The following RTRAF variants were observed in gnomAD, a reference collection of about 807,000 sequenced individuals.
The protein encoded by RTRAF is RNA transcription, translation and transport factor.
In RTRAF, 14 loss-of-function variants were observed where a neutral mutation model predicts 34.4. The ratio of observed to expected loss-of-function variants is 0.41; its 90% CI spans 0.27 to 0.64. RTRAF has a LOEUF of 0.64. Among genes scored for constraint, RTRAF ranks in the 30% least tolerant of loss-of-function variants. The pLI is 0.34. For missense variants in RTRAF, 291 were observed against 288.4 expected, an observed-to-expected ratio of 1.01 and a Z score of -0.06; for synonymous variants, 96 against 95.3, an observed-to-expected ratio of 1.01 and a Z score of -0.04.
intron 1 of RTRAF, among the ~76,000 whole-genome samples, chr14:51,990,885 C>T (rs1178663128): frequency 2.0e-5 from 3 of 152,012 alleles, no homozygotes; most frequent in Non-Finnish European, 4.4e-5. Flanking sequence ...CCTTTCTGTC[C>T]GCAAAGGAAC....
chr14:51,991,558 AG>A, intron 2 of RTRAF, 117 bp downstream of exon 2: 1 of 1,238,720 alleles, frequency 8.1e-7, no homozygotes, highest in Middle Eastern at 2.0e-4. Context: ...GTGTTAGGAA[AG>A]CTGGATTTCA....
chr14:52,004,904 T>G lies in RTRAF; in HGVS notation c.*388T>G, dbSNP rs1890696340. The G allele has an allele frequency of 6.1e-6, 1 of 162,674 alleles. No individual in the cohort carries two copies. The highest frequency in any genetic ancestry group is 2.4e-5 in the African/African-American group (1 of 41,920). 10.1% of individuals were successfully genotyped at this position (162,674 alleles called of 1,614,324 possible). ...GTGATACTTTACTTTCTGTGGGTAC[T>G]TCTATAGAGGCACTACAGGATCAGA... On this transcript the variant is annotated 3_prime_UTR_variant, in exon 8 of 8. Transcript: ENST00000261700.
chr14:51,993,129 A>G (rs1467257653), intron 2 of RTRAF, among the ~76,000 whole-genome samples: 2 of 152,214 alleles, frequency 1.3e-5, no homozygotes, highest in Non-Finnish European at 2.9e-5. Context: ...AATAATTTCA[A>G]CATATCAGAA....
In RTRAF at chr14:52,004,497, T is replaced by A; in HGVS notation, c.716T>A (p.Leu239Gln). The A allele has an allele frequency of 6.2e-7, 1 of 1,613,182 alleles. No homozygotes were observed. Among genetic ancestry groups the A allele is most frequent in the Non-Finnish European group, 8.5e-7 (1 of 1,179,728 alleles). The change falls in exon 8 of 8, where the codon CTG becomes CAG. Residue 239 changes from leucine (L) to glutamine (Q), a missense_variant. Transcript: ENST00000261700. ...IIADPKTDHR[L>Q]GKVGR Reference sequence around the variant, plus strand: ...GCTGATCCAAAGACAGACCACAGACTGGGAAAAGTTGGAAGATGAACACTT... The same window carrying A: ...GCTGATCCAAAGACAGACCACAGACAGGGAAAAGTTGGAAGATGAACACTT...
chr14:52,005,846 A>G lies in RTRAF; in HGVS notation c.*1330A>G, dbSNP rs1486117665. On this transcript the variant is annotated 3_prime_UTR_variant, in exon 8 of 8. Transcript: ENST00000261700. ...TATGTTTATTTACTGATACAACACCATCCCTGGTAACAGAAAGGAAGAGTG... is the reference window on the plus strand; with the variant it reads ...TATGTTTATTTACTGATACAACACCGTCCCTGGTAACAGAAAGGAAGAGTG... 1 of 1,601,770 alleles carries G rather than the reference A, an allele frequency of 6.2e-7. No individual in the cohort carries two copies. The highest frequency in any genetic ancestry group is 8.6e-7 in the Non-Finnish European group (1 of 1,168,706).
intron 4 of RTRAF, among the ~76,000 whole-genome samples, chr14:51,998,870 C>A (rs1890562832): frequency 6.6e-6 from 1 of 151,858 alleles, no homozygotes; most frequent in African/African-American, 2.4e-5. Flanking sequence ...GTGTAAATTT[C>A]TTTTAATCCA....
rs1179100115 is a variant in RTRAF, at chr14:52,005,540, T to C, written c.*1024T>C. On this transcript the variant is annotated 3_prime_UTR_variant, in exon 8 of 8. Coordinates refer to ENST00000261700, the MANE Select transcript of RTRAF (RefSeq NM_016039.3). ...GGTGGGACAGGGTGGTGGGTGAGTA[T>C]ATTGTAACCAAGTTGCAACAGCAAG... 1 of 1,584,836 alleles carries C rather than the reference T, an allele frequency of 6.3e-7. No homozygotes were observed. The highest frequency in any genetic ancestry group is 1.8e-5 in the Admixed American group (1 of 55,352).
At position 52,007,747 on chromosome 14, in the gene RTRAF, C is replaced by CTGTT; in HGVS notation, c.*3232_*3235dup. 7.2e-7 allele frequency: 1 copy of CTGTT among 1,381,754 alleles called. No individual in the cohort carries two copies. Among genetic ancestry groups the CTGTT allele is most frequent in the Non-Finnish European group, 1.0e-6 (1 of 987,176 alleles). The allele number at this position is 1,381,754 out of a possible 1,614,324, so 85.6% of individuals were successfully genotyped here. A position where few individuals can be genotyped will look rare whatever the true frequency, so the allele number is the denominator to read the frequency against. On this transcript the variant is annotated 3_prime_UTR_variant, in exon 8 of 8. Transcript: ENST00000261700. ...ATGGGATTTCATTTTGTAGTAAAATCTGTTAGTGCTCACATTCACTGTGAT... is the reference window on the plus strand; with the variant it reads ...ATGGGATTTCATTTTGTAGTAAAATCTGTTTGTTAGTGCTCACATTCACTGTGAT...
In RTRAF at chr14:52,005,567, C is replaced by T. The variant is rs1890741246; in HGVS notation, c.*1051C>T. The T allele has an allele frequency of 1.3e-6, 2 of 1,546,582 alleles. No individual in the cohort carries two copies. Among genetic ancestry groups the T allele is most frequent in the Non-Finnish European group, 1.8e-6 (2 of 1,135,216 alleles). On this transcript the variant is annotated 3_prime_UTR_variant, in exon 8 of 8. Transcript: ENST00000261700. ...TTGTAACCAAGTTGCAACAGCAAGT[C>T]TTTGCATTTTGTGTATAAACTAGGT...
chr14:52,006,036 A>G lies in RTRAF; in HGVS notation c.*1520A>G, dbSNP rs1890767030. The G allele has an allele frequency of 1.7e-6, 1 of 575,568 alleles. No individual in the cohort carries two copies. Among genetic ancestry groups the G allele is most frequent in the Non-Finnish European group, 3.1e-6 (1 of 318,102 alleles). The allele number at this position is 575,568 out of a possible 1,614,324, so 35.7% of individuals were successfully genotyped here. A position where few individuals can be genotyped will look rare whatever the true frequency, so the allele number is the denominator to read the frequency against. ...AAATCCATTGCTCATCTCTAGCTGC[A>G]TGTTAGAATCACATGATGAGCTATC... On this transcript the variant is annotated 3_prime_UTR_variant, in exon 8 of 8. Coordinates refer to ENST00000261700, the MANE Select transcript of RTRAF (RefSeq NM_016039.3).
chr14:51,994,870 C>G (rs1240500125), intron 3 of RTRAF, among the ~76,000 whole-genome samples: 2 of 151,994 alleles, frequency 1.3e-5, no homozygotes, highest in African/African-American at 4.8e-5. Context: ...CTGTTTATAT[C>G]CCATTTCCCC....
At chr14:52,002,192 G>A (rs1370636275) in intron 6 of RTRAF, among the ~76,000 whole-genome samples, 1 of 152,146 alleles carries the variant, frequency 6.6e-6, no homozygotes, top group East Asian at 1.9e-4. Context: ...GGATTATTTT[G>A]ACTCATGCTG....
intron 6 of RTRAF, among the ~76,000 whole-genome samples, chr14:52,002,850 C>A (rs1160110369): frequency 6.6e-6 from 1 of 152,200 alleles, no homozygotes; most frequent in South Asian, 2.1e-4. Flanking sequence ...AATGCCAGGG[C>A]AGTATCTCTG....
Position 52,008,138 on chromosome 14 carries a change from C to T in RTRAF, c.*3622C>T, listed in dbSNP as rs983990085. The T allele has an allele frequency of 9.2e-6, 5 of 541,618 alleles. No individual in the cohort carries two copies. The African/African-American group carries it at 9.7e-5, about 10-fold the overall frequency. 33.6% of individuals were successfully genotyped at this position (541,618 alleles called of 1,614,324 possible). On this transcript the variant is annotated 3_prime_UTR_variant, in exon 8 of 8. Coordinates refer to ENST00000261700, the MANE Select transcript of RTRAF (RefSeq NM_016039.3). ...GCTTCTTCTAGTGCATAGAGTATAG[C>T]AGAAGTGATAGGCTATCACTGCCGA...
chr14:52,000,473 GATACCA>G (rs1890582972), intron 5 of RTRAF, among the ~76,000 whole-genome samples: 1 of 151,588 alleles, frequency 6.6e-6, no homozygotes, highest in Non-Finnish European at 1.5e-5. Context: ...TGGTACTTAA[GATACCA>G]GACTTGGAAA....
rs756961339 is a variant in RTRAF at position 52,007,876 on chromosome 14, CTG to C, written c.*3362_*3363del. 1 of 1,613,808 alleles carries C rather than the reference CTG, an allele frequency of 6.2e-7. No individual in the cohort carries two copies. The highest frequency in any genetic ancestry group is 2.2e-5 in the East Asian group (1 of 44,880). ...GTTAAGCCATTGGGCAATCCAATGT[CTG>C]TATTGATCAGAATTCTTCTGTTTTC... is the stretch of plus-strand genomic sequence containing the variant. On this transcript the variant is annotated 3_prime_UTR_variant, in exon 8 of 8. Transcript: ENST00000261700.
intron 3 of RTRAF, among the ~76,000 whole-genome samples, chr14:51,997,145 G>T (rs1022390241): frequency 6.6e-6 from 1 of 151,898 alleles, no homozygotes; most frequent in East Asian, 1.9e-4. Context: ...TTTCCTCTTT[G>T]TAATAAATAT....
chr14:52,006,717 T>A lies in RTRAF; in HGVS notation c.*2201T>A. 1 of 1,586,450 alleles carries A rather than the reference T, an allele frequency of 6.3e-7. No individual in the cohort carries two copies. The highest frequency in any genetic ancestry group is 8.6e-7 in the Non-Finnish European group (1 of 1,157,324). On this transcript the variant is annotated 3_prime_UTR_variant, in exon 8 of 8. Transcript: ENST00000261700. ...TCAGCTGCTTTGCCAAAAATGATAG[T>A]GACATAGTGATAGTGACACAGTGAT...
rs1036988450 is a variant in RTRAF at position 52,006,852 on chromosome 14, A to G, written c.*2336A>G. ...TTTTTAGTAGAGATTCAAACTTTCA[A>G]TCCTTTTTTGGAAGACAGGATTGCA... On this transcript the variant is annotated 3_prime_UTR_variant, in exon 8 of 8. Transcript: ENST00000261700. 6.4e-6 allele frequency: 3 copies of G among 469,512 alleles called. No individual in the cohort carries two copies. Among genetic ancestry groups the G allele is most frequent in the Admixed American group, 4.0e-5 (1 of 24,920 alleles). The allele number at this position is 469,512 out of a possible 1,614,324, so 29.1% of individuals were successfully genotyped here.
Sources: allele counts gnomAD v4.1 joint callset (sites outside exome capture counted in the v4.1 genomes callset), GRCh38; gene constraint gnomAD v4.1.1; transcripts MANE v1.5; gene names NCBI Gene and HGNC (gene_info 2026-07-23, HGNC 2026-07-21).